SHQ1: variants seen among roughly 807,000 people sequenced by gnomAD.
SHQ1 encodes protein SHQ1 homolog.
Under a neutral mutation model 53.8 loss-of-function variants are expected in SHQ1, and 49 were observed. The ratio of observed to expected loss-of-function variants is 0.91; its 90% confidence interval spans 0.72 to 1.16. The LOEUF is 1.16. SHQ1 is among the 50% of genes most tolerant of loss of function. SHQ1 has a pLI of 0.00. For synonymous variants in SHQ1, 243 were observed against 251.0 expected, an observed-to-expected ratio of 0.97 and a Z score of 0.30; for missense variants, 738 against 683.1, an observed-to-expected ratio of 1.08 and a Z score of -0.90.
At chr3:72,750,947 AC>A in intron 10 of SHQ1, 111 bp from the exon 11 acceptor site, 1 of 801,152 alleles carries the variant, frequency 1.2e-6, no homozygotes, top group Non-Finnish European at 1.9e-6. Flanking sequence ...TAAATGGCAC[AC>A]CAGGATATAT....
At chr3:72,758,903 C>G (rs557526737) in intron 10 of SHQ1, among the ~76,000 whole-genome samples, 4 of 152,184 alleles carry the variant, frequency 2.6e-5, no homozygotes, top group Non-Finnish European at 5.9e-5. Flanking sequence ...AAGGAGTCAG[C>G]AGGTTTGGCT....
intron 10 of SHQ1, among the ~76,000 whole-genome samples, chr3:72,775,612 C>A (rs766282792): frequency 4.6e-5 from 7 of 152,112 alleles, no homozygotes; most frequent in Admixed American, 2.0e-4. Flanking sequence ...AGGCCAATTT[C>A]TCTTCCCATA....
chr3:72,726,496 G>T, the SHQ1 span, among the ~76,000 whole-genome samples: 3 of 152,134 alleles, frequency 2.0e-5, no homozygotes, highest in African/African-American at 7.2e-5. Flanking sequence ...GAGATTACAG[G>T]TGCATGCCAC....
chr3:72,837,620 T>C (rs1034274635), intron 4 of SHQ1, among the ~76,000 whole-genome samples: 1 of 152,150 alleles, frequency 6.6e-6, no homozygotes, highest in Non-Finnish European at 1.5e-5. Context: ...CTAGAAAAAA[T>C]AAACTTGTGA....
At chr3:72,844,263 G>A in intron 2 of SHQ1, 96 bp downstream of exon 2, 1 of 969,672 alleles carries the variant, frequency 1.0e-6, no homozygotes, top group Non-Finnish European at 1.6e-6. Flanking sequence ...GTATTTGAAA[G>A]ACATCAAAAG....
At chr3:72,773,365 A>G in intron 10 of SHQ1, 2 of 523,944 alleles carry the variant, frequency 3.8e-6, no homozygotes, top group East Asian at 4.6e-5. Flanking sequence ...GGAAAGGAAA[A>G]GATGACACAG....
At chr3:72,752,015 A>G (rs1001372415) in intron 10 of SHQ1, among the ~76,000 whole-genome samples, 1 of 152,188 alleles carries the variant, frequency 6.6e-6, no homozygotes, top group African/African-American at 2.4e-5. Flanking sequence ...CATAGGTCTG[A>G]GGTTATTTAC....
At chr3:72,840,102 AT>A (rs1221504335) in intron 4 of SHQ1, among the ~76,000 whole-genome samples, 2 of 150,562 alleles carry the variant, frequency 1.3e-5, no homozygotes, top group African/African-American at 2.4e-5. Flanking sequence ...AAATAGAAAA[AT>A]TAGCCAGGCG....
At chr3:72,766,432 A>T (rs185760464) in intron 10 of SHQ1, among the ~76,000 whole-genome samples, 71 of 152,314 alleles carry the variant, frequency 4.7e-4, no homozygotes, top group African/African-American at 1.7e-3. Flanking sequence ...CTGCTGCCTG[A>T]GCCCGACCCT....
chr3:72,826,726 G>T (rs762411609), intron 5 of SHQ1, among the ~76,000 whole-genome samples: 13 of 152,188 alleles, frequency 8.5e-5, no homozygotes, highest in Non-Finnish European at 1.8e-4. Flanking sequence ...CCAGATGAAG[G>T]GGGTGGGACA....
At chr3:72,816,848 TGAGA>T (rs1707335284) in intron 7 of SHQ1, among the ~76,000 whole-genome samples, 2 of 152,212 alleles carry the variant, frequency 1.3e-5, no homozygotes, top group Admixed American at 6.5e-5. Flanking sequence ...GACTTCTGGC[TGAGA>T]GAAAGAATAT....
At chr3:72,836,198 A>G (rs932177837) in intron 4 of SHQ1, among the ~76,000 whole-genome samples, 1 of 152,222 alleles carries the variant, frequency 6.6e-6, no homozygotes, top group African/African-American at 2.4e-5. Context: ...CCAATAAGAA[A>G]GCAGCTCTTG....
intron 8 of SHQ1, among the ~76,000 whole-genome samples, chr3:72,813,106 T>A (rs186819802): frequency 5.5e-4 from 83 of 152,256 alleles, no homozygotes; most frequent in African/African-American, 2.0e-3. Flanking sequence ...CAGATGCACA[T>A]AAAGGACATT....
chr3:72,765,183 AGC>A, intron 10 of SHQ1, among the ~76,000 whole-genome samples: 1 of 152,282 alleles, frequency 6.6e-6, no homozygotes, highest in East Asian at 1.9e-4. Flanking sequence ...GACTCTGCAA[AGC>A]TGGGCTTTCT....
chr3:72,757,064 GT>G (rs539103954), intron 10 of SHQ1, among the ~76,000 whole-genome samples: 12 of 152,270 alleles, frequency 7.9e-5, no homozygotes, highest in African/African-American at 2.9e-4. Context: ...CATACATCCT[GT>G]TTTTTTGCTG....
intron 10 of SHQ1, among the ~76,000 whole-genome samples, chr3:72,759,465 C>A (rs550906823): frequency 6.6e-6 from 1 of 150,596 alleles, no homozygotes; most frequent in African/African-American, 2.5e-5. Flanking sequence ...CCAAGGTGGG[C>A]GGATCACTTG....
the SHQ1 span, among the ~76,000 whole-genome samples, chr3:72,742,436 A>G: frequency 6.6e-6 from 1 of 152,084 alleles, no homozygotes; most frequent in Non-Finnish European, 1.5e-5. Context: ...AGGTTATTTG[A>G]TGACATGGGA....
At chr3:72,765,557 ATT>A (rs61074795) in intron 10 of SHQ1, among the ~76,000 whole-genome samples, 7,328 of 56,036 alleles carry the variant, frequency 0.13, 314 homozygotes, top group Middle Eastern at 0.25. Context: ...ATATATATAT[ATT>A]TTTTTTTTTT....
intron 10 of SHQ1, among the ~76,000 whole-genome samples, chr3:72,792,223 C>T (rs1267475093): frequency 6.6e-6 from 1 of 152,194 alleles, no homozygotes; most frequent in Non-Finnish European, 1.5e-5. Context: ...CATACATCTA[C>T]ACACACTCAC....
Sources: allele counts gnomAD v4.1 joint callset (sites outside exome capture counted in the v4.1 genomes callset), GRCh38; gene constraint gnomAD v4.1.1; transcripts MANE v1.5; gene names NCBI Gene and HGNC (gene_info 2026-07-23, HGNC 2026-07-21).